Variants in NUP93 observed in about 807,000 individuals in gnomAD.
NUP93 encodes nuclear pore complex protein Nup93.
In NUP93, 55 loss-of-function variants were observed where a neutral mutation model predicts 107.8. The observed-to-expected ratio is 0.51, with a 90% CI of 0.41 to 0.64. NUP93 has a LOEUF of 0.64. NUP93 is among the 30% of genes least tolerant of loss of function. The pLI, the probability that NUP93 is intolerant of heterozygous loss-of-function variation, is 0.00. For synonymous variants in NUP93, 390 were observed against 397.5 expected, an observed-to-expected ratio of 0.98 and a Z score of 0.22; for missense variants, 937 against 1,044.7, an observed-to-expected ratio of 0.90 and a Z score of 1.42.
chr16:56,754,994 G>A (rs200137693), intron 2 of NUP93, among the ~76,000 whole-genome samples: 3 of 152,174 alleles, frequency 2.0e-5, no homozygotes, highest in South Asian at 2.1e-4. Context: ...ACAAGTGTTG[G>A]CGAGGATGTG....
At chr16:56,786,912 A>G (rs1962640882) in intron 3 of NUP93, among the ~76,000 whole-genome samples, 1 of 152,240 alleles carries the variant, frequency 6.6e-6, no homozygotes. Context: ...GTATTTGAAT[A>G]ATGGTCTTAC....
chr16:56,745,409 G>T (rs1208345797), intron 1 of NUP93, among the ~76,000 whole-genome samples: 1 of 152,138 alleles, frequency 6.6e-6, no homozygotes, highest in African/African-American at 2.4e-5. Flanking sequence ...TAAGCAGGAG[G>T]GATGTGATCT....
intron 6 of NUP93, among the ~76,000 whole-genome samples, chr16:56,821,141 C>A (rs1015494920): frequency 6.6e-6 from 1 of 152,172 alleles, no homozygotes; most frequent in Non-Finnish European, 1.5e-5. Flanking sequence ...CCATTCAGTC[C>A]TTTTGAAAGA....
rs7184439 is a variant in NUP93, at chr16:56,833,892, C to T, written c.1538-236C>T. On this transcript the variant is annotated intron_variant, in intron 13 of 21. Coordinates refer to ENST00000308159, the MANE Select transcript of NUP93 (RefSeq NM_014669.5). ...AATCGTCAGTTGGATTATGTTTTCA[C>T]TCAAAGACCAGCATATTAGTAATTT... Among the ~76,000 whole-genome samples the T allele has an allele frequency of 0.88, 133,825 of 152,230 alleles. 59,143 individuals are homozygous for T. The highest frequency in any genetic ancestry group is 0.99 in the East Asian group (5,154 of 5,180).
chr16:56,819,703 GTTAT>G (rs1963505308), intron 6 of NUP93, among the ~76,000 whole-genome samples: 1 of 152,218 alleles, frequency 6.6e-6, no homozygotes, highest in South Asian at 2.1e-4. Context: ...TCAGCTGCCA[GTTAT>G]TTAGTCAGTG....
intron 6 of NUP93, 37 bp from the exon 7 acceptor site, chr16:56,821,467 G>T: frequency 7.3e-7 from 1 of 1,365,018 alleles, no homozygotes. Context: ...AGAGAAAATA[G>T]ATACTTTGCC....
In NUP93 at chr16:56,814,842, C is replaced by T. The variant is rs189483094; in HGVS notation, c.490-3822C>T. Among the ~76,000 whole-genome samples the T allele has an allele frequency of 6.6e-4, 101 of 152,344 alleles. No homozygotes were observed. In the South Asian group the frequency reaches 0.015, roughly 22 times the overall value. On this transcript the variant is annotated intron_variant, in intron 5 of 21. Coordinates refer to ENST00000308159, the MANE Select transcript of NUP93 (RefSeq NM_014669.5). ...TGTCCTGTCGTCCTTGCTATGGCTC[C>T]GCCAAGCCCCAGTGCAGAGAACCCC...
chr16:56,744,048 C>G (rs1338765352), intron 1 of NUP93, among the ~76,000 whole-genome samples: 1 of 152,172 alleles, frequency 6.6e-6, no homozygotes, highest in Non-Finnish European at 1.5e-5. Context: ...TCCCTGCTGG[C>G]CTTTTCCTGT....
chr16:56,736,293 A>G lies in NUP93; in HGVS notation c.-15+6082A>G, dbSNP rs977674941. ...GGTTGCAGTGAGCTGAGATCACGCTATTGCACTCCAGCCTGGGCAACAAAG... is the reference window on the plus strand; with the variant it reads ...GGTTGCAGTGAGCTGAGATCACGCTGTTGCACTCCAGCCTGGGCAACAAAG... On this transcript the variant is annotated intron_variant, in intron 1 of 21. Coordinates refer to ENST00000308159, the MANE Select transcript of NUP93 (RefSeq NM_014669.5). Among the ~76,000 whole-genome samples, 6 of 152,354 alleles carry G rather than the reference A, an allele frequency of 3.9e-5. No individual in the cohort carries two copies. In the East Asian group the frequency reaches 9.6e-4, roughly 24 times the overall value.
chr16:56,737,735 C>A (rs1370094424), intron 1 of NUP93, among the ~76,000 whole-genome samples: 1 of 151,798 alleles, frequency 6.6e-6, no homozygotes, highest in Non-Finnish European at 1.5e-5. Flanking sequence ...TGTGGTATAC[C>A]AAGGTATGAA....
intron 10 of NUP93, chr16:56,831,462 G>A (rs11865000): frequency 0.097 from 15,725 of 162,346 alleles, 797 homozygotes; most frequent in East Asian, 0.15. Flanking sequence ...GTTTATTTAG[G>A]AGGTGATCTC....
chr16:56,802,301 C>T (rs1421016722), intron 4 of NUP93, among the ~76,000 whole-genome samples: 3 of 148,306 alleles, frequency 2.0e-5, no homozygotes, highest in Admixed American at 1.4e-4. Context: ...TATCTCTTCC[C>T]CCCCACCCCC....
chr16:56,833,348 A>T lies in NUP93; in HGVS notation c.1479A>T (p.Ala493=). 6.3e-7 allele frequency: 1 copy of T among 1,593,174 alleles called. No homozygotes were observed. The highest frequency in any genetic ancestry group is 8.5e-7 in the Non-Finnish European group (1 of 1,172,868). ...ERLRCHAVHV[A]LVLFELKLLL... ...TGCGCTGCCATGCTGTCCATGTAGCACTGGTGCTGTTTGAGCTGAAGCTGC... is the reference window on the plus strand; with the variant it reads ...TGCGCTGCCATGCTGTCCATGTAGCTCTGGTGCTGTTTGAGCTGAAGCTGC... Residue 493 remains alanine, a synonymous_variant, in exon 13 of 22, where the codon GCA becomes GCT. Transcript: ENST00000308159.
rs1465888248 is a variant in NUP93 at position 56,805,647 on chromosome 16, A to G, written c.489+15A>G. The stretch of plus-strand genomic sequence containing the variant: ...AAGAAAGCGAGGTAGCTTGAATGCA[A>G]AAGATAAACTACTGTTAATAAAAAC... On this transcript the variant is annotated intron_variant, in intron 5 of 21. Coordinates refer to ENST00000308159, the MANE Select transcript of NUP93 (RefSeq NM_014669.5). 3.7e-6 allele frequency: 6 copies of G among 1,610,898 alleles called. No homozygotes were observed. The highest frequency in any genetic ancestry group is 3.4e-6 in the Non-Finnish European group (4 of 1,177,910).
intron 16 of NUP93, among the ~76,000 whole-genome samples, chr16:56,836,053 T>G (rs1306009571): frequency 6.7e-6 from 1 of 149,080 alleles, no homozygotes; most frequent in Non-Finnish European, 1.5e-5. Flanking sequence ...GGTGTGAACC[T>G]GGGAGGCAGA....
At chr16:56,746,500 G>C (rs775767354) in intron 1 of NUP93, among the ~76,000 whole-genome samples, 1 of 152,196 alleles carries the variant, frequency 6.6e-6, no homozygotes, top group South Asian at 2.1e-4. Flanking sequence ...AATTTTTGTT[G>C]AAGATTAAAG....
At chr16:56,787,819 T>C (rs1157637057) in intron 3 of NUP93, among the ~76,000 whole-genome samples, 1 of 152,136 alleles carries the variant, frequency 6.6e-6, no homozygotes, top group African/African-American at 2.4e-5. Context: ...CCTGAAGACA[T>C]ATTGAAACAT....
rs760045573 is a variant in NUP93 at position 56,839,004 on chromosome 16, C to G, written c.2071C>G (p.Leu691Val). 1.2e-6 allele frequency: 2 copies of G among 1,614,062 alleles called. No homozygotes were observed. Among genetic ancestry groups the G allele is most frequent in the South Asian group, 1.1e-5 (1 of 91,074 alleles). Residue 691 changes from leucine (L) to valine (V), a missense_variant, in exon 19 of 22, where the codon CTT (leucine) becomes GTT (valine). Leu to Val is a conservative substitution (Grantham distance 32). Transcript: ENST00000308159. ...ANKFVDSTFYLLLDLITFFDE... is the reference protein window; with the variant it reads ...ANKFVDSTFYVLLDLITFFDE... The stretch of plus-strand genomic sequence containing the variant: ...TAAATTTGTGGACTCCACGTTCTAT[C>G]TTCTTTTGGACTTGATCACCTTTTT...
At chr16:56,815,038 C>G (rs1275026724) in intron 5 of NUP93, among the ~76,000 whole-genome samples, 1 of 152,122 alleles carries the variant, frequency 6.6e-6, no homozygotes, top group East Asian at 1.9e-4. Flanking sequence ...GGATAGGTAC[C>G]TTTGAAAACA....
Sources: gnomAD v4.1 joint callset for allele counts (sites outside exome capture counted in the v4.1 genomes callset) on GRCh38, gnomAD v4.1.1 for gene constraint, MANE v1.5 for transcripts, NCBI Gene and HGNC (gene_info 2026-07-23, HGNC 2026-07-21) for gene names.